ENAM: variants seen among roughly 807,000 people sequenced by gnomAD.
ENAM encodes enamelin.
Under a neutral mutation model 33.6 loss-of-function variants are expected in ENAM, and 21 were observed. That is an observed-to-expected ratio of 0.63 (90% CI 0.44 to 0.90). The LOEUF is 0.90. ENAM is among the 40% of genes least tolerant of loss of function. ENAM has a pLI of 0.00. For missense variants in ENAM, 1,388 were observed against 1,366.9 expected (o/e 1.02, Z -0.24); for synonymous variants, 473 against 468.4 (o/e 1.01, Z -0.13).
Position 70,644,993 on chromosome 4 carries a change from A to G in ENAM, c.*138A>G. The G allele has an allele frequency of 1.4e-6, 1 of 738,950 alleles. No individual in the cohort carries two copies. The highest frequency in any genetic ancestry group is 2.4e-6 in the Non-Finnish European group (1 of 422,080). 45.8% of individuals were successfully genotyped at this position (738,950 alleles called of 1,614,324 possible). On this transcript the variant is annotated 3_prime_UTR_variant, in exon 9 of 9. Transcript: ENST00000396073. ...CCTTAAGTTTTCTCCCCTCTCAGCAATAGGAGTAGCGACCCAGGTGGAGCT... is the reference window on the plus strand; with the variant it reads ...CCTTAAGTTTTCTCCCCTCTCAGCAGTAGGAGTAGCGACCCAGGTGGAGCT...
chr4:70,637,225 G>A (rs1346182155), intron 7 of ENAM, among the ~76,000 whole-genome samples: 2 of 152,184 alleles, frequency 1.3e-5, no homozygotes, highest in African/African-American at 4.8e-5. Context: ...CATAAAACTT[G>A]AGAAGCAGAA....
rs1424855792 is a variant in ENAM at position 70,643,410 on chromosome 4, G to A, written c.1984G>A (p.Asp662Asn). The change falls in exon 9 of 9, where the codon GAT becomes AAT. Residue 662 changes from aspartate (D) to asparagine (N), a missense_variant. Physicochemically the swap from Asp to Asn is conservative, Grantham distance 23. Coordinates refer to ENST00000396073, the MANE Select transcript of ENAM (RefSeq NM_031889.3). ...AGAGGACCCAGTTGATCCAACTGGA[G>A]ATGAAGTCTTTCCTGGACAAAATAG... is the stretch of plus-strand genomic sequence containing the variant. ...NEEDPVDPTG[D>N]EVFPGQNRWG... 4.3e-6 allele frequency: 7 copies of A among 1,613,942 alleles called. No individual in the cohort carries two copies. The highest frequency in any genetic ancestry group is 1.3e-5 in the African/African-American group (1 of 74,908).
intron 7 of ENAM, 86 bp from the exon 8 acceptor site, chr4:70,637,704 T>A: frequency 1.0e-6 from 1 of 990,950 alleles, no homozygotes; most frequent in East Asian, 2.4e-5. Context: ...TGACTTGAGC[T>A]ATTTTTAGAC....
intron 4 of ENAM, 135 bp from the exon 5 acceptor site, chr4:70,632,516 G>A (rs961190563): frequency 1.3e-6 from 1 of 767,064 alleles, no homozygotes; most frequent in Non-Finnish European, 2.4e-6. Flanking sequence ...TGACTGTTGT[G>A]CATTAAAATC....
At chr4:70,637,642 G>T in intron 7 of ENAM, 148 bp from the exon 8 acceptor site, 1 of 726,284 alleles carries the variant, frequency 1.4e-6, no homozygotes, top group East Asian at 2.5e-5. Flanking sequence ...TGGACTGTGA[G>T]AGCTAATAAC....
At chr4:70,630,107 T>C (rs762655156) in intron 2 of ENAM, among the ~76,000 whole-genome samples, 1 of 152,190 alleles carries the variant, frequency 6.6e-6, no homozygotes, top group Non-Finnish European at 1.5e-5. Context: ...TTCTCTATGA[T>C]GTTCTAACTC....
At chr4:70,636,057 T>A (rs1738445730) in intron 7 of ENAM, among the ~76,000 whole-genome samples, 163 bp downstream of exon 7, 1 of 145,768 alleles carries the variant, frequency 6.9e-6, no homozygotes, top group South Asian at 2.1e-4. Context: ...AAAAGAATAA[T>A]TTTTTGAATT....
At position 70,641,998 on chromosome 4, in the gene ENAM, C is replaced by A; in HGVS notation, c.589-17C>A. Reference sequence around the variant, plus strand: ...GAAACAAAGGGCAATTATTGATTTCCATTTTCTTTCCTACAGAATCCTTAC... The same window carrying A: ...GAAACAAAGGGCAATTATTGATTTCAATTTTCTTTCCTACAGAATCCTTAC... On this transcript the variant is annotated splice_polypyrimidine_tract_variant and intron_variant, in intron 8 of 8. Transcript: ENST00000396073. 6.3e-7 allele frequency: 1 copy of A among 1,599,556 alleles called. No homozygotes were observed. Among genetic ancestry groups the A allele is most frequent in the Non-Finnish European group, 8.6e-7 (1 of 1,166,780 alleles).
rs147484294 is a variant in ENAM, at chr4:70,643,504, C to T, written c.2078C>T (p.Ser693Leu). 6.8e-5 allele frequency: 109 copies of T among 1,614,120 alleles called. 1 individual carries two copies. Among genetic ancestry groups the T allele is most frequent in the Admixed American group, 1.7e-4 (10 of 60,008 alleles). ...CACTATGAAGGTGAACAATATACCTCAAATCAGCCAAAGGAATATCTTCCC... is the reference window on the plus strand; with the variant it reads ...CACTATGAAGGTGAACAATATACCTTAAATCAGCCAAAGGAATATCTTCCC... ...VRHYEGEQYT[S>L]NQPKEYLPYS... Residue 693 changes from serine to leucine, a missense_variant, in exon 9 of 9, where the codon TCA (serine) becomes TTA (leucine). Ser to Leu is a moderately radical substitution (Grantham distance 145). Transcript: ENST00000396073.
chr4:70,633,684 A>G (rs1489394734), intron 5 of ENAM, among the ~76,000 whole-genome samples: 3 of 152,284 alleles, frequency 2.0e-5, no homozygotes, highest in Non-Finnish European at 2.9e-5. Flanking sequence ...ATTTTTATAA[A>G]TTATCATAAA....
At chr4:70,631,620 A>C in intron 2 of ENAM, 50 bp from the exon 3 acceptor site, 1 of 1,339,794 alleles carries the variant, frequency 7.5e-7, no homozygotes. Flanking sequence ...AGAGTGCCCT[A>C]AGCATACTTA....
chr4:70,641,981 G>T (rs1348220114), intron 8 of ENAM, 34 bp from the exon 9 acceptor site: 1 of 1,505,046 alleles, frequency 6.6e-7, no homozygotes, highest in Non-Finnish European at 9.3e-7. Flanking sequence ...GGGAAACAAA[G>T]GGCAATTATT....
rs373981343 is a variant in ENAM, at chr4:70,634,948, A to G, written c.471+380A>G. ...GTAAACTAAATAGTTTCGAAGTTTC[A>G]TCCAAATCTGTGCTTTGATGCTCTA... On this transcript the variant is annotated intron_variant, in intron 6 of 8. Coordinates refer to ENST00000396073, the MANE Select transcript of ENAM (RefSeq NM_031889.3). Among the ~76,000 whole-genome samples the G allele has an allele frequency of 4.0e-4, 61 of 152,316 alleles. 1 individual carries two copies. Among genetic ancestry groups the G allele is most frequent in the African/African-American group, 1.4e-3 (58 of 41,558 alleles).
At position 70,645,169 on chromosome 4, in the gene ENAM, C is replaced by G. The variant is rs1738726577; in HGVS notation, c.*314C>G. On this transcript the variant is annotated 3_prime_UTR_variant, in exon 9 of 9. Transcript: ENST00000396073. ...CTTTTGCTTGATGACTTCTTTTGCT[C>G]TCAAAGTTCCATACTTGCAAAATTG... 5.7e-6 allele frequency: 3 copies of G among 529,974 alleles called. No homozygotes were observed. Among genetic ancestry groups the G allele is most frequent in the Admixed American group, 3.2e-5 (1 of 31,350 alleles). The allele number at this position is 529,974 out of a possible 1,614,324, so 32.8% of individuals were successfully genotyped here. A position where few individuals can be genotyped will look rare whatever the true frequency, so the allele number is the denominator to read the frequency against.
chr4:70,642,449 G>A lies in ENAM; in HGVS notation c.1023G>A (p.Met341Ile). 2.5e-6 allele frequency: 4 copies of A among 1,614,042 alleles called. No homozygotes were observed. In the South Asian group the frequency reaches 4.4e-5, roughly 18 times the overall value. Reference sequence around the variant, plus strand: ...AGTGGTATTTCACTGGTACTGTCATGGGGCACAGACAGAATAGGCCTTTTT... The same window carrying A: ...AGTGGTATTTCACTGGTACTGTCATAGGGCACAGACAGAATAGGCCTTTTT... Reference protein sequence around the residue: ...GRQWYFTGTVMGHRQNRPFYR... With the variant: ...GRQWYFTGTVIGHRQNRPFYR... The change falls in exon 9 of 9, where the codon ATG becomes ATA. Residue 341 changes from methionine (M) to isoleucine (I), a missense_variant. Coordinates refer to ENST00000396073, the MANE Select transcript of ENAM (RefSeq NM_031889.3).
intron 7 of ENAM, among the ~76,000 whole-genome samples, chr4:70,636,240 A>G (rs1163298207): frequency 6.6e-6 from 1 of 152,162 alleles, no homozygotes; most frequent in East Asian, 1.9e-4. Flanking sequence ...TAATGGGGAA[A>G]CTGGGACACA....
chr4:70,638,284 T>TC (rs1738508812), intron 8 of ENAM, among the ~76,000 whole-genome samples: 1 of 152,034 alleles, frequency 6.6e-6, no homozygotes, highest in African/African-American at 2.4e-5. Flanking sequence ...CAGAGTGATA[T>TC]ACTCTTAATA....
intron 8 of ENAM, 147 bp downstream of exon 8, chr4:70,637,990 A>G: frequency 1.5e-6 from 1 of 677,558 alleles, no homozygotes; most frequent in African/African-American, 1.8e-5. Context: ...AAAAAGTTAA[A>G]CAAATCAAGC....
Position 70,642,337 on chromosome 4 carries a change from G to T in ENAM, c.911G>T (p.Gly304Val). 1 of 1,614,202 alleles carries T rather than the reference G, an allele frequency of 6.2e-7. No homozygotes were observed. Among genetic ancestry groups the T allele is most frequent in the Non-Finnish European group, 8.5e-7 (1 of 1,180,040 alleles). Residue 304 changes from glycine to valine, a missense_variant, in exon 9 of 9, where the codon GGA (glycine) becomes GTA (valine). By Grantham distance (109) the Gly-to-Val change is moderately radical. Coordinates refer to ENST00000396073, the MANE Select transcript of ENAM (RefSeq NM_031889.3). ...AVNASGQGGP[G>V]SQIPWRPSQP... ...AACGCTTCAGGCCAGGGAGGGCCAG[G>T]AAGTCAAATCCCATGGAGACCAAGT... is the stretch of plus-strand genomic sequence containing the variant.
Sources: gnomAD v4.1 joint callset for allele counts (sites outside exome capture counted in the v4.1 genomes callset) on GRCh38, gnomAD v4.1.1 for gene constraint, MANE v1.5 for transcripts, NCBI Gene and HGNC (gene_info 2026-07-23, HGNC 2026-07-21) for gene names.